CREB5: variants seen among roughly 807,000 people sequenced by gnomAD.
CREB5 encodes the protein cAMP responsive element binding protein 5.
A neutral mutation model predicts 57.1 loss-of-function variants in CREB5; 19 were observed. That is an observed-to-expected ratio of 0.33 (90% CI 0.23 to 0.49). CREB5 has a LOEUF of 0.49. Ranked by LOEUF, CREB5 falls within the 20% of genes least tolerant of loss-of-function variation. The probability of loss-of-function intolerance (pLI) is 0.99; values close to 1 mark genes in which losing one functional copy is unlikely to be tolerated. For missense variants in CREB5, 579 were observed against 671.6 expected, an observed-to-expected ratio of 0.86 and a Z score of 1.52; for synonymous variants, 238 against 238.3, an observed-to-expected ratio of 1.00 and a Z score of 0.01.
rs181332946 is a variant in CREB5 at position 28,360,766 on chromosome 7, A to G, written c.-25+61325A>G. On this transcript the variant is annotated intron_variant, in intron 1 of 9. Transcript: ENST00000396299. ...ACACTTAAAAAATAGAAAGTGCCTT[A>G]TAAAACGTGTAGTCTGTCACAAGCA... 4.6e-5 allele frequency among the ~76,000 whole-genome samples: 7 copies of G among 152,378 alleles called. No individual in the cohort carries two copies. In the East Asian group the frequency reaches 1.3e-3, roughly 29 times the overall value.
At chr7:28,810,490 T>C (rs894671952) in intron 9 of CREB5, among the ~76,000 whole-genome samples, 1 of 152,038 alleles carries the variant, frequency 6.6e-6, no homozygotes, top group African/African-American at 2.4e-5. Flanking sequence ...GTCAGGAGTT[T>C]GAGACCAGCC....
At chr7:28,415,188 T>C (rs140380046) in intron 1 of CREB5, among the ~76,000 whole-genome samples, 5 of 152,228 alleles carry the variant, frequency 3.3e-5, no homozygotes, top group African/African-American at 7.2e-5. Flanking sequence ...TAGAGGGAGT[T>C]CTTTTAGGCC....
intron 5 of CREB5, among the ~76,000 whole-genome samples, chr7:28,689,228 G>A (rs1801113276): frequency 1.3e-5 from 2 of 152,080 alleles, no homozygotes; most frequent in African/African-American, 2.4e-5. Context: ...TGTAATCCCA[G>A]CACTTTGGGA....
chr7:28,378,693 T>C (rs1479301882), intron 1 of CREB5, among the ~76,000 whole-genome samples: 1 of 152,208 alleles, frequency 6.6e-6, no homozygotes, highest in African/African-American at 2.4e-5. Flanking sequence ...AATTTTAGAC[T>C]GCATAAACCA....
intron 1 of CREB5, among the ~76,000 whole-genome samples, chr7:28,383,198 A>C (rs963679998): frequency 5.3e-5 from 8 of 152,158 alleles, no homozygotes; most frequent in African/African-American, 1.7e-4. Context: ...TAATGTGTAC[A>C]TGTTAATGGT....
chr7:28,360,102 A>G (rs1008435886), intron 1 of CREB5, among the ~76,000 whole-genome samples: 3 of 152,194 alleles, frequency 2.0e-5, no homozygotes, highest in African/African-American at 7.2e-5. Flanking sequence ...TGGAGAGGGA[A>G]CAGTTGTGCA....
chr7:28,734,245 A>C (rs1036588705), intron 7 of CREB5, among the ~76,000 whole-genome samples: 12 of 151,492 alleles, frequency 7.9e-5, no homozygotes, highest in South Asian at 2.1e-4. Flanking sequence ...AACAAAAAAA[A>C]CAGGTTAATG....
rs559468835 is a variant in CREB5 at position 28,485,776 on chromosome 7, C to T, written c.4-2399C>T. Among the ~76,000 whole-genome samples the T allele has an allele frequency of 2.2e-4, 34 of 152,120 alleles. No homozygotes were observed. The South Asian group carries it at 6.4e-3, about 29-fold the overall frequency. Reference sequence around the variant, plus strand: ...AGATGTAGTTAATTAATGGATAGCCCGACAACTCTGTTGTTTATTTTGTCT... The same window carrying T: ...AGATGTAGTTAATTAATGGATAGCCTGACAACTCTGTTGTTTATTTTGTCT... On this transcript the variant is annotated intron_variant, in intron 1 of 10. Transcript: ENST00000357727.
At chr7:28,671,034 C>T (rs1248051599) in intron 5 of CREB5, among the ~76,000 whole-genome samples, 4 of 151,802 alleles carry the variant, frequency 2.6e-5, no homozygotes, top group African/African-American at 4.8e-5. Flanking sequence ...GAGGCTGAGG[C>T]GGGAGGATCG....
intron 5 of CREB5, among the ~76,000 whole-genome samples, chr7:28,658,963 A>ATATATATATATATATATG (rs1583493226): frequency 7.9e-4 from 91 of 115,598 alleles, no homozygotes; most frequent in East Asian, 1.8e-3. Context: ...GTATATATAT[A>ATATATATATATATATATG]TATATATATA....
intron 5 of CREB5, among the ~76,000 whole-genome samples, chr7:28,679,959 C>T (rs1800508060): frequency 6.6e-6 from 1 of 152,114 alleles, no homozygotes; most frequent in African/African-American, 2.4e-5. Context: ...CCAGGCAGGC[C>T]CAGAGCTTCA....
intron 1 of CREB5, among the ~76,000 whole-genome samples, chr7:28,403,509 T>C (rs956220256): frequency 2.6e-5 from 4 of 152,206 alleles, no homozygotes; most frequent in African/African-American, 9.7e-5. Context: ...CCTTGCAGTA[T>C]CCTAGGAGAT....
At chr7:28,588,473 A>T (rs962056666) in intron 5 of CREB5, among the ~76,000 whole-genome samples, 10 of 152,228 alleles carry the variant, frequency 6.6e-5, no homozygotes, top group African/African-American at 2.4e-4. Flanking sequence ...ATATGGGCAC[A>T]AAGGGTTGAA....
chr7:28,701,090 C>G (rs11979517), intron 5 of CREB5, among the ~76,000 whole-genome samples: 7,051 of 152,178 alleles, frequency 0.046, 307 homozygotes, highest in African/African-American at 0.11. Context: ...TCGAAACCTA[C>G]TGAAATGTCA....
chr7:28,752,023 G>T (rs543209979), intron 7 of CREB5, among the ~76,000 whole-genome samples: 1 of 152,292 alleles, frequency 6.6e-6, no homozygotes, highest in African/African-American at 2.4e-5. Flanking sequence ...GAATACTTCA[G>T]AGGTGATGTT....
chr7:28,502,191 T>C (rs77037815), intron 3 of CREB5, among the ~76,000 whole-genome samples: 1,714 of 152,314 alleles, frequency 0.011, 20 homozygotes, highest in African/African-American at 0.038. Context: ...AAGGCACATT[T>C]GTTGCAAAGA....
chr7:28,307,763 C>T (rs1389525171), intron 1 of CREB5, among the ~76,000 whole-genome samples: 4 of 152,214 alleles, frequency 2.6e-5, no homozygotes, highest in African/African-American at 9.6e-5. Flanking sequence ...AGAGGTTCAA[C>T]TGTGAATGAT....
chr7:28,555,567 A>G (rs185299277), intron 4 of CREB5, among the ~76,000 whole-genome samples: 3 of 152,370 alleles, frequency 2.0e-5, no homozygotes, highest in East Asian at 3.9e-4. Context: ...AAAGACATCT[A>G]TCTGAAAAAC....
chr7:28,471,943 A>C (rs1221065878), intron 1 of CREB5, among the ~76,000 whole-genome samples: 1 of 105,116 alleles, frequency 9.5e-6, no homozygotes, highest in East Asian at 2.7e-4. Flanking sequence ...AAGATAAAAC[A>C]CAATTTGTCA....
Sources: gnomAD v4.1 joint callset for allele counts (sites outside exome capture counted in the v4.1 genomes callset) on GRCh38, gnomAD v4.1.1 for gene constraint, MANE v1.5 for transcripts, NCBI Gene and HGNC (gene_info 2026-07-23, HGNC 2026-07-21) for gene names.